Variants in DDX60L observed in about 807,000 individuals in gnomAD.
DDX60L encodes the protein probable ATP-dependent RNA helicase DDX60-like.
DDX60L carries 191 observed loss-of-function variants against 211.6 expected under a neutral mutation model. That is an observed-to-expected ratio of 0.90 (90% confidence interval 0.80 to 1.02). The LOEUF is 1.02. Ranked by LOEUF, DDX60L falls within the 50% of genes least tolerant of loss-of-function variation. The probability of loss-of-function intolerance (pLI) is 0.00; values close to 1 mark genes in which losing one functional copy is unlikely to be tolerated. For missense variants in DDX60L, 2,007 were observed against 1,984.1 expected (o/e 1.01, Z -0.22); for synonymous variants, 706 against 694.1 (o/e 1.02, Z -0.27).
In DDX60L at chr4:168,471,935, A is replaced by C; in HGVS notation, c.76T>G (p.Tyr26Asp). The C allele has an allele frequency of 6.3e-7, 1 of 1,581,066 alleles. No individual in the cohort carries two copies. Reference protein sequence around the residue: ...LILNEMPKAGYSSILNDFVES... With the variant: ...LILNEMPKAGDSSILNDFVES... The stretch of plus-strand genomic sequence containing the variant: ...ACAAAATCATTTAATATGCTGGAAT[A>C]CCTAAAATAAAAATCAAAGAGAATA... Residue 26 changes from tyrosine (Y) to aspartate (D), a missense_variant and splice_region_variant, in exon 4 of 38, where the codon TAT becomes GAT. Transcript: ENST00000682922.
intron 19 of DDX60L, among the ~76,000 whole-genome samples, chr4:168,418,870 G>A (rs1750011130): frequency 6.6e-6 from 1 of 152,222 alleles, no homozygotes; most frequent in African/African-American, 2.4e-5. Context: ...GAAATGGGAA[G>A]GAGAGAAGAC....
rs909900574 is a variant in DDX60L, at chr4:168,366,506, T to C, written c.4928+5106A>G. 4.9e-4 allele frequency among the ~76,000 whole-genome samples: 74 copies of C among 151,720 alleles called. 1 individual carries two copies. The highest frequency in any genetic ancestry group is 9.7e-4 in the Non-Finnish European group (66 of 67,822). ...AGGACACTAAGAAATGAAAAGATAT[T>C]CCACGTTCAGGGAATGAAAAAAATA... is the stretch of plus-strand genomic sequence containing the variant. On this transcript the variant is annotated intron_variant, in intron 36 of 37. Coordinates refer to ENST00000682922, the MANE Select transcript of DDX60L (RefSeq NM_001012967.3).
At chr4:168,436,338 T>C (rs1429059019) in intron 10 of DDX60L, among the ~76,000 whole-genome samples, 2 of 152,234 alleles carry the variant, frequency 1.3e-5, no homozygotes, top group East Asian at 3.8e-4. Flanking sequence ...AGAAATACTA[T>C]CCTTGGACTT....
intron 8 of DDX60L, 129 bp from the exon 9 acceptor site, chr4:168,448,908 A>G (rs1450694094): frequency 1.3e-6 from 1 of 781,898 alleles, no homozygotes; most frequent in Non-Finnish European, 2.0e-6. Context: ...ACAATCACAA[A>G]TATTACAGAT....
chr4:168,358,900 G>T (rs1738632446), intron 37 of DDX60L, among the ~76,000 whole-genome samples: 1 of 152,088 alleles, frequency 6.6e-6, no homozygotes, highest in Admixed American at 6.5e-5. Flanking sequence ...ACCTAGAAGT[G>T]TTATTCAACT....
intron 4 of DDX60L, chr4:168,470,895 G>T (rs970016197): frequency 1.2e-5 from 3 of 243,978 alleles, no homozygotes; most frequent in African/African-American, 4.6e-5. Flanking sequence ...CAATAGAAAG[G>T]ATTTAAACAG....
At chr4:168,469,950 A>G (rs1561139382) in intron 4 of DDX60L, 3 of 152,220 alleles carry the variant, frequency 2.0e-5, no homozygotes, top group Admixed American at 6.5e-5. Flanking sequence ...TTGTATACAG[A>G]ATATATCAAG....
Position 168,442,786 on chromosome 4 carries a change from G to A in DDX60L, c.1139-1294C>T, listed in dbSNP as rs1167165521. ...GGGCACACTGACACCTCACACGGCA[G>A]GGTACTCCAACAGACCTGCAGCTGA... On this transcript the variant is annotated intron_variant, in intron 9 of 37. Transcript: ENST00000682922. Among the ~76,000 whole-genome samples the A allele has an allele frequency of 3.0e-3, 456 of 151,002 alleles. 1 individual carries two copies. Among genetic ancestry groups the A allele is most frequent in the African/African-American group, 4.2e-3 (174 of 41,064 alleles).
chr4:168,472,357 G>T, intron 3 of DDX60L, 98 bp downstream of exon 3: 1 of 880,520 alleles, frequency 1.1e-6, no homozygotes, highest in Non-Finnish European at 1.8e-6. Flanking sequence ...AAGATAAATA[G>T]GTTGAGTGAT....
At chr4:168,390,641 T>TG (rs1427225192) in intron 29 of DDX60L, 2 of 615,076 alleles carry the variant, frequency 3.3e-6, no homozygotes, top group Non-Finnish European at 5.1e-6. Flanking sequence ...TATTGTCAGT[T>TG]TTTTTTTTAG....
intron 8 of DDX60L, among the ~76,000 whole-genome samples, chr4:168,451,219 C>T (rs1382520144): frequency 6.6e-6 from 1 of 152,192 alleles, no homozygotes; most frequent in Non-Finnish European, 1.5e-5. Context: ...TAGAAAAACA[C>T]ATAACTGGTA....
chr4:168,478,189 C>CA (rs34467288), intron 1 of DDX60L, among the ~76,000 whole-genome samples: 64,036 of 144,382 alleles, frequency 0.44, 15,692 homozygotes, highest in East Asian at 0.61. Flanking sequence ...AGTGATAGGA[C>CA]AAAAAAAAAA....
chr4:168,398,493 C>G lies in DDX60L; in HGVS notation c.3491+2333G>C, dbSNP rs566158639. ...AGAGCCTGGGTGCCATGAACAGCAG[C>G]AGGAGGCAGACAGGCTCGGAGCAGA... On this transcript the variant is annotated intron_variant, in intron 26 of 37. Coordinates refer to ENST00000682922, the MANE Select transcript of DDX60L (RefSeq NM_001012967.3). 3.8e-4 allele frequency among the ~76,000 whole-genome samples: 58 copies of G among 152,322 alleles called. No individual in the cohort carries two copies. In the South Asian group the frequency reaches 0.012, roughly 30 times the overall value.
chr4:168,448,296 C>T (rs924971633), intron 9 of DDX60L, among the ~76,000 whole-genome samples: 4 of 151,974 alleles, frequency 2.6e-5, no homozygotes, highest in Non-Finnish European at 2.9e-5. Context: ...TACCAAAATG[C>T]AGTTTTATTT....
At chr4:168,459,249 G>A (rs1040935331) in intron 5 of DDX60L, among the ~76,000 whole-genome samples, 5 of 152,080 alleles carry the variant, frequency 3.3e-5, no homozygotes, top group Admixed American at 2.6e-4. Flanking sequence ...ACTTTGGGAG[G>A]CTGAGGCAGG....
chr4:168,413,234 C>A (rs2149828597), intron 22 of DDX60L, among the ~76,000 whole-genome samples: 1 of 152,212 alleles, frequency 6.6e-6, no homozygotes, highest in Non-Finnish European at 1.5e-5. Flanking sequence ...AGATATGTGA[C>A]TTTTCAGGCC....
At chr4:168,415,629 T>C (rs772075094) in intron 21 of DDX60L, 28 bp downstream of exon 21, 4 of 1,479,016 alleles carry the variant, frequency 2.7e-6, no homozygotes, top group East Asian at 2.5e-5. Flanking sequence ...TAAAAATATA[T>C]AGTAAAACAT....
chr4:168,407,410 C>A (rs1369011942), intron 22 of DDX60L, among the ~76,000 whole-genome samples: 1 of 152,154 alleles, frequency 6.6e-6, no homozygotes, highest in Non-Finnish European at 1.5e-5. Flanking sequence ...GTCCTCATAG[C>A]CTTTGTGTTC....
In DDX60L at chr4:168,396,096, TTTCAGCC is replaced by T. The variant is rs779282108; in HGVS notation, c.3513_3519del (p.Ala1172AsnfsTer19). On this transcript the variant is annotated frameshift_variant, in exon 27 of 38. Coordinates refer to ENST00000682922, the MANE Select transcript of DDX60L (RefSeq NM_001012967.3). LOFTEE classifies it high-confidence loss of function. The stretch of plus-strand genomic sequence containing the variant: ...CTATACACTTTTTTTCTTTCCAGTT[TTTCAGCC>T]TTCTTTGGGTTTTTTTTAGTGCTAC... The T allele has an allele frequency of 1.3e-6, 2 of 1,557,354 alleles. No individual in the cohort carries two copies. The highest frequency in any genetic ancestry group is 1.7e-6 in the Non-Finnish European group (2 of 1,153,436).
Sources: allele counts gnomAD v4.1 joint callset (sites outside exome capture counted in the v4.1 genomes callset), GRCh38; gene constraint gnomAD v4.1.1; transcripts MANE v1.5; gene names NCBI Gene and HGNC (gene_info 2026-07-23, HGNC 2026-07-21).